The following USP37 variants were observed in gnomAD, a reference collection of about 807,000 sequenced individuals.
USP37 encodes the protein ubiquitin specific peptidase 37, also known as ubiquitin carboxyl-terminal hydrolase 37.
Under a neutral mutation model 124.0 loss-of-function variants are expected in USP37, and 27 were observed. That is an observed-to-expected ratio of 0.22 (90% confidence interval 0.16 to 0.30). USP37 has a LOEUF of 0.30. Ranked by LOEUF, USP37 falls within the 10% of genes least tolerant of loss-of-function variation. The probability of loss-of-function intolerance (pLI) is 1.00; values close to 1 mark genes in which losing one functional copy is unlikely to be tolerated. For missense variants in USP37, 889 were observed against 1,140.4 expected (o/e 0.78, Z 3.17); for synonymous variants, 365 against 388.0 (o/e 0.94, Z 0.70).
At position 218,466,181 on chromosome 2, in the gene USP37, G is replaced by A; in HGVS notation, c.2300-5C>T. On this transcript the variant is annotated splice_polypyrimidine_tract_variant and splice_region_variant and intron_variant, in intron 20 of 25. Transcript: ENST00000258399. ...TCTCAGTAAAACTGGCAGGATCTGA[G>A]GAAGCAGAACATAACATTAATTTGG... The A allele has an allele frequency of 6.3e-7, 1 of 1,598,384 alleles. No individual in the cohort carries two copies.
At position 218,455,937 on chromosome 2, in the gene USP37, TCAGGAGGCTGAGG is replaced by T. The variant is rs1231200422; in HGVS notation, c.2714-232_2714-220del. Among the ~76,000 whole-genome samples, 5 of 152,208 alleles carry T rather than the reference TCAGGAGGCTGAGG, an allele frequency of 3.3e-5. No homozygotes were observed. In the East Asian group the frequency reaches 9.7e-4, roughly 29 times the overall value. On this transcript the variant is annotated intron_variant, in intron 24 of 25. Transcript: ENST00000258399. ...GGCGTGCGCCTGTAGTCCCAGCTAC[TCAGGAGGCTGAGG>T]CAGGAGGATTGTTTGAACCCAGGAG...
chr2:218,565,197 A>G (rs1424692512), intron 1 of USP37, among the ~76,000 whole-genome samples: 1 of 152,250 alleles, frequency 6.6e-6, no homozygotes, highest in Non-Finnish European at 1.5e-5. Flanking sequence ...TGCTGGGATT[A>G]CTGGCATGAG....
At chr2:218,529,369 C>T (rs924063844) in intron 10 of USP37, among the ~76,000 whole-genome samples, 2 of 151,670 alleles carry the variant, frequency 1.3e-5, no homozygotes, top group African/African-American at 4.8e-5. Flanking sequence ...TGCTGACAGG[C>T]ACCTGTAATC....
intron 3 of USP37, among the ~76,000 whole-genome samples, chr2:218,559,980 T>C (rs1693226522): frequency 6.6e-6 from 1 of 151,484 alleles, no homozygotes. Flanking sequence ...TGAGACCCTG[T>C]CTCAAAACAA....
intron 14 of USP37, among the ~76,000 whole-genome samples, chr2:218,490,465 A>C (rs1404739073): frequency 2.0e-5 from 3 of 152,222 alleles, no homozygotes; most frequent in Admixed American, 6.5e-5. Flanking sequence ...AGAGATTAAA[A>C]CACCATATTC....
At chr2:218,492,520 C>T (rs375653719) in intron 14 of USP37, among the ~76,000 whole-genome samples, 3 of 152,056 alleles carry the variant, frequency 2.0e-5, no homozygotes, top group African/African-American at 7.2e-5. Flanking sequence ...ATTGCTTTGG[C>T]TTATGTGTTT....
At chr2:218,502,402 A>C (rs1689439327) in intron 11 of USP37, among the ~76,000 whole-genome samples, 1 of 152,188 alleles carries the variant, frequency 6.6e-6, no homozygotes. Context: ...AAAAGACAGC[A>C]ACAGAATAGA....
intron 10 of USP37, among the ~76,000 whole-genome samples, chr2:218,519,136 T>C (rs527336953): frequency 9.2e-5 from 14 of 152,358 alleles, no homozygotes; most frequent in African/African-American, 3.4e-4. Context: ...CTGGCAGCAA[T>C]TTAAGATGTC....
chr2:218,567,527 C>T lies in USP37; in HGVS notation c.-230+651G>A, dbSNP rs75844566. On this transcript the variant is annotated intron_variant, in intron 1 of 25. Transcript: ENST00000258399. ...TCCAACTGCCTACTTGACATTCCCT[C>T]TCAGGTATCTCTTCCAGTTAGACAC... 2.2e-4 allele frequency among the ~76,000 whole-genome samples: 33 copies of T among 152,284 alleles called. No individual in the cohort carries two copies. In the East Asian group the frequency reaches 6.2e-3, roughly 29 times the overall value.
chr2:218,567,392 C>T (rs1335425078), intron 1 of USP37, among the ~76,000 whole-genome samples: 2 of 152,180 alleles, frequency 1.3e-5, no homozygotes, highest in African/African-American at 4.8e-5. Flanking sequence ...ATTTCATCCA[C>T]ATCCATGGCT....
At chr2:218,492,872 G>A (rs568065223) in intron 14 of USP37, among the ~76,000 whole-genome samples, 1 of 152,240 alleles carries the variant, frequency 6.6e-6, no homozygotes, top group East Asian at 1.9e-4. Flanking sequence ...GGGTGTGGTG[G>A]CATGTGCTCG....
At chr2:218,465,864 G>T in intron 21 of USP37, 146 bp downstream of exon 21, 2 of 1,076,164 alleles carry the variant, frequency 1.9e-6, no homozygotes, top group Non-Finnish European at 2.6e-6. Flanking sequence ...CCTCAAACAA[G>T]TCTTTTTTTT....
intron 14 of USP37, among the ~76,000 whole-genome samples, chr2:218,490,222 G>C (rs957865269): frequency 6.6e-6 from 1 of 152,118 alleles, no homozygotes; most frequent in South Asian, 2.1e-4. Context: ...GTGGTGGCAG[G>C]CACCTGTAGT....
At chr2:218,503,421 A>G (rs535188623) in intron 11 of USP37, among the ~76,000 whole-genome samples, 1 of 152,276 alleles carries the variant, frequency 6.6e-6, no homozygotes, top group East Asian at 1.9e-4. Flanking sequence ...TATAACATAC[A>G]TAGAAGTAAA....
chr2:218,515,758 G>A (rs1197620496), intron 10 of USP37, among the ~76,000 whole-genome samples: 1 of 152,070 alleles, frequency 6.6e-6, no homozygotes. Context: ...GAGTGAACAG[G>A]TAACTTACAG....
intron 10 of USP37, among the ~76,000 whole-genome samples, chr2:218,529,274 G>C (rs982314074): frequency 2.0e-4 from 31 of 152,202 alleles, no homozygotes; most frequent in African/African-American, 6.0e-4. Context: ...GGGAGGCCAA[G>C]AAAGGCAGAT....
chr2:218,503,699 G>C (rs1689519190), intron 11 of USP37, among the ~76,000 whole-genome samples: 1 of 151,948 alleles, frequency 6.6e-6, no homozygotes, highest in African/African-American at 2.4e-5. Flanking sequence ...TGGGCAACGA[G>C]AGCAAAACTC....
Position 218,476,911 on chromosome 2 carries a change from G to T in USP37, c.1972C>A (p.Arg658Ser). Residue 658 changes from arginine (R) to serine (S), a missense_variant, in exon 19 of 26, where the codon CGT becomes AGT. Around this residue, in one of 3 missense-constraint regions of USP37, gnomAD observed 504 missense variants for 714.3 expected, o/e 0.71. Transcript: ENST00000258399. Reference protein sequence around the residue: ...LDSDSEDELKRSVALSQRLCE... With the variant: ...LDSDSEDELKSSVALSQRLCE... ...AGTCTCTGGCTGAGGGCCACAGAAC[G>T]TTTTAGCTCATCCTCACTGTCTGAA... The T allele has an allele frequency of 6.2e-7, 1 of 1,609,486 alleles. No homozygotes were observed. The highest frequency in any genetic ancestry group is 8.5e-7 in the Non-Finnish European group (1 of 1,178,176).
At chr2:218,455,076 AG>A in intron 25 of USP37, 59 bp from the exon 26 acceptor site, 1 of 1,593,042 alleles carries the variant, frequency 6.3e-7, no homozygotes, top group Non-Finnish European at 8.5e-7. Flanking sequence ...ACCAAAGAAT[AG>A]GCAGGAGAAA....
Sources: gnomAD v4.1 joint callset for allele counts (sites outside exome capture counted in the v4.1 genomes callset) on GRCh38, gnomAD v4.1.1 for gene constraint, gnomAD v4.1.1 regional missense constraint, MANE v1.5 for transcripts, NCBI Gene and HGNC (gene_info 2026-07-23, HGNC 2026-07-21) for gene names.